JARID2: variants seen among roughly 807,000 people sequenced by gnomAD.
The protein encoded by JARID2 is jumonji and AT-rich interaction domain containing 2.
In JARID2, 21 loss-of-function variants were observed where a neutral mutation model predicts 125.6. The observed-to-expected ratio is 0.17, with a 90% confidence interval of 0.12 to 0.24. The LOEUF (loss-of-function observed/expected upper bound fraction) is 0.24, where lower values mean the gene tolerates loss of function less well. Ranked by LOEUF, JARID2 falls within the 10% of genes least tolerant of loss-of-function variation. The pLI is 1.00. For synonymous variants in JARID2, 736 were observed against 661.6 expected, an observed-to-expected ratio of 1.11 and a Z score of -1.73; for missense variants, 1,303 against 1,639.6, an observed-to-expected ratio of 0.79 and a Z score of 3.55.
rs57418009 is a variant in JARID2, at chr6:15,418,922, G to A, written c.323+8557G>A. On this transcript the variant is annotated intron_variant, in intron 3 of 17. Coordinates refer to ENST00000341776, the MANE Select transcript of JARID2 (RefSeq NM_004973.4). ...CTTTTTGGTCTGAGTTACTTTGATG[G>A]TATAAAATACTTTTATTTACTTCGA... Among the ~76,000 whole-genome samples, 1,087 of 152,200 alleles carry A rather than the reference G, an allele frequency of 7.1e-3. 20 individuals are homozygous for A. Among genetic ancestry groups the A allele is most frequent in the African/African-American group, 0.025 (1,044 of 41,490 alleles).
At chr6:15,396,166 T>C (rs80008243) in intron 2 of JARID2, among the ~76,000 whole-genome samples, 1,694 of 152,364 alleles carry the variant, frequency 0.011, 24 homozygotes, top group Non-Finnish European at 0.014. Context: ...TTCAAATATG[T>C]TAAGTACATT....
At chr6:15,256,363 A>G (rs1581330643) in intron 1 of JARID2, among the ~76,000 whole-genome samples, 1 of 152,206 alleles carries the variant, frequency 6.6e-6, no homozygotes, top group South Asian at 2.1e-4. Flanking sequence ...CTTGACTCCT[A>G]AATACACCTG....
intron 1 of JARID2, among the ~76,000 whole-genome samples, chr6:15,281,182 G>C (rs1286675694): frequency 6.6e-6 from 1 of 152,192 alleles, no homozygotes; most frequent in African/African-American, 2.4e-5. Flanking sequence ...CTTCCAGTCA[G>C]TGCGCATATA....
intron 3 of JARID2, among the ~76,000 whole-genome samples, chr6:15,433,422 G>A (rs879817113): frequency 1.9e-5 from 2 of 104,156 alleles, no homozygotes; most frequent in Non-Finnish European, 4.5e-5. Flanking sequence ...GTGTGTGTGT[G>A]TGTGTGTGTG....
At position 15,520,421 on chromosome 6, in the gene JARID2, T is replaced by C; in HGVS notation, c.*170T>C. Reference sequence around the variant, plus strand: ...TAGCATTAAACTGTTGAACTTTTTTTTGTACTTAGAAAACCTAGATACTGC... The same window carrying C: ...TAGCATTAAACTGTTGAACTTTTTTCTGTACTTAGAAAACCTAGATACTGC... On this transcript the variant is annotated 3_prime_UTR_variant, in exon 18 of 18. Coordinates refer to ENST00000341776, the MANE Select transcript of JARID2 (RefSeq NM_004973.4). 3.6e-6 allele frequency: 2 copies of C among 547,992 alleles called. No homozygotes were observed. Among genetic ancestry groups the C allele is most frequent in the Non-Finnish European group, 6.1e-6 (2 of 329,730 alleles). The allele number at this position is 547,992 out of a possible 1,614,324, so 33.9% of individuals were successfully genotyped here.
intron 6 of JARID2, among the ~76,000 whole-genome samples, chr6:15,488,222 C>T (rs1255162313): frequency 1.3e-5 from 2 of 152,218 alleles, no homozygotes; most frequent in African/African-American, 4.8e-5. Context: ...AAGAATCCCT[C>T]AGGGCTTGGC....
intron 1 of JARID2, among the ~76,000 whole-genome samples, chr6:15,361,708 C>T (rs1198235404): frequency 6.6e-6 from 1 of 152,054 alleles, no homozygotes; most frequent in East Asian, 1.9e-4. Flanking sequence ...CACATTATTC[C>T]AGCGTCATAG....
intron 1 of JARID2, among the ~76,000 whole-genome samples, chr6:15,303,951 C>A (rs1276673607): frequency 6.6e-6 from 1 of 152,158 alleles, no homozygotes; most frequent in African/African-American, 2.4e-5. Context: ...GTTGAGACCT[C>A]AACAACAGTG....
At chr6:15,399,139 C>T (rs1765327102) in intron 2 of JARID2, among the ~76,000 whole-genome samples, 2 of 152,296 alleles carry the variant, frequency 1.3e-5, no homozygotes, top group South Asian at 4.1e-4. Context: ...CAGGAACGTG[C>T]TGCACTGTAG....
At chr6:15,396,083 A>G (rs955336776) in intron 2 of JARID2, among the ~76,000 whole-genome samples, 11 of 152,342 alleles carry the variant, frequency 7.2e-5, no homozygotes, top group Non-Finnish European at 1.5e-4. Context: ...AATATTCTGA[A>G]AAAGGTTGAT....
intron 7 of JARID2, 30 bp downstream of exon 7, chr6:15,497,200 T>C: frequency 6.7e-7 from 1 of 1,481,992 alleles, no homozygotes; most frequent in South Asian, 1.3e-5. Flanking sequence ...CAGGGGGTGG[T>C]GCCTGCCCTC....
chr6:15,409,018 A>C (rs1174036047), intron 2 of JARID2, among the ~76,000 whole-genome samples: 1 of 152,216 alleles, frequency 6.6e-6, no homozygotes, highest in Non-Finnish European at 1.5e-5. Flanking sequence ...TCATACTCTG[A>C]AATGATGTAA....
chr6:15,469,568 G>T (rs1379918134), intron 5 of JARID2, among the ~76,000 whole-genome samples: 3 of 150,652 alleles, frequency 2.0e-5, no homozygotes, highest in Non-Finnish European at 4.4e-5. Flanking sequence ...GAGTAGCTGG[G>T]ACTACAGGCC....
At chr6:15,322,393 A>T (rs1762389537) in intron 1 of JARID2, among the ~76,000 whole-genome samples, 1 of 152,150 alleles carries the variant, frequency 6.6e-6, no homozygotes, top group African/African-American at 2.4e-5. Context: ...CCAATTATTG[A>T]TTTGCAAGTT....
At chr6:15,296,720 C>A (rs1328173318) in intron 1 of JARID2, among the ~76,000 whole-genome samples, 2 of 152,174 alleles carry the variant, frequency 1.3e-5, no homozygotes, top group Non-Finnish European at 2.9e-5. Flanking sequence ...AAGCTGCTAC[C>A]CGTGTCCCTG....
intron 6 of JARID2, among the ~76,000 whole-genome samples, chr6:15,494,608 C>T (rs1033502362): frequency 1.3e-5 from 2 of 152,044 alleles, no homozygotes; most frequent in African/African-American, 4.8e-5. Context: ...CGGGGTTTCA[C>T]CGTGTTAGCC....
At chr6:15,352,349 CCT>C (rs1277891807) in intron 1 of JARID2, among the ~76,000 whole-genome samples, 2 of 152,138 alleles carry the variant, frequency 1.3e-5, no homozygotes. Flanking sequence ...GTTACATTGT[CCT>C]CTGTCTGTAA....
intron 3 of JARID2, among the ~76,000 whole-genome samples, chr6:15,433,853 C>A (rs1337527097): frequency 6.6e-6 from 1 of 151,496 alleles, no homozygotes; most frequent in African/African-American, 2.4e-5. Flanking sequence ...AATGCAATAT[C>A]CATCATACCC....
intron 1 of JARID2, among the ~76,000 whole-genome samples, chr6:15,358,507 T>C (rs961246636): frequency 6.6e-6 from 1 of 152,240 alleles, no homozygotes; most frequent in Non-Finnish European, 1.5e-5. Flanking sequence ...ATTTTCATCA[T>C]TGAGTTGGGG....
Sources: allele counts gnomAD v4.1 joint callset (sites outside exome capture counted in the v4.1 genomes callset), GRCh38; gene constraint gnomAD v4.1.1; transcripts MANE v1.5; gene names NCBI Gene and HGNC (gene_info 2026-07-23, HGNC 2026-07-21).